SLAIN2: variants seen among roughly 807,000 people sequenced by gnomAD.
The protein encoded by SLAIN2 is SLAIN motif-containing protein 2.
In SLAIN2, 31 loss-of-function variants were observed where a neutral mutation model predicts 56.6. That is an observed-to-expected ratio of 0.55 (90% CI 0.41 to 0.74). The LOEUF is 0.74. Among genes scored for constraint, SLAIN2 ranks in the 30% least tolerant of loss-of-function variants. The pLI is 0.00. For synonymous variants in SLAIN2, 317 were observed against 284.9 expected (o/e 1.11, Z -1.13); for missense variants, 777 against 754.2 (o/e 1.03, Z -0.35).
chr4:48,350,985 A>G (rs1290441560), intron 1 of SLAIN2, among the ~76,000 whole-genome samples: 11 of 152,244 alleles, frequency 7.2e-5, no homozygotes, highest in Admixed American at 7.2e-4. Flanking sequence ...GTTAAAAATC[A>G]GGTTTATAAT....
At position 48,420,307 on chromosome 4, in the gene SLAIN2, C is replaced by G; in HGVS notation, c.1543C>G (p.Pro515Ala). 1.2e-6 allele frequency: 2 copies of G among 1,613,970 alleles called. No individual in the cohort carries two copies. Among genetic ancestry groups the G allele is most frequent in the Non-Finnish European group, 1.7e-6 (2 of 1,179,880 alleles). The change falls in exon 7 of 8, where the codon CCC becomes GCC. Residue 515 changes from proline (P) to alanine (A), a missense_variant. Physicochemically the swap from Pro to Ala is conservative, Grantham distance 27. Coordinates refer to ENST00000264313, the MANE Select transcript of SLAIN2 (RefSeq NM_020846.2). ...MVQSTVSANP[P>A]SNINSATLTR... is the part of the protein sequence containing the mutation. ...TCAGAGCACAGTCTCAGCAAATCCT[C>G]CCAGCAATATCAACAGCGCTACTCT... is the stretch of plus-strand genomic sequence containing the variant.
intron 6 of SLAIN2, among the ~76,000 whole-genome samples, chr4:48,392,370 T>C (rs1716256810): frequency 6.6e-6 from 1 of 152,184 alleles, no homozygotes; most frequent in Admixed American, 6.5e-5. Flanking sequence ...GTGGGGTCCA[T>C]TGGAGTCGCC....
At chr4:48,350,984 C>A (rs1374242198) in intron 1 of SLAIN2, among the ~76,000 whole-genome samples, 2 of 152,204 alleles carry the variant, frequency 1.3e-5, no homozygotes, top group Non-Finnish European at 2.9e-5. Context: ...AGTTAAAAAT[C>A]AGGTTTATAA....
At position 48,393,526 on chromosome 4, in the gene SLAIN2, G is replaced by C. The variant is rs557218240; in HGVS notation, c.1360+9742G>C. On this transcript the variant is annotated intron_variant, in intron 6 of 7. Coordinates refer to ENST00000264313, the MANE Select transcript of SLAIN2 (RefSeq NM_020846.2). The stretch of plus-strand genomic sequence containing the variant: ...AAGGCCTGTAAGTGCTGGGATTATA[G>C]GCATGAACCACCTCACTTGGCCAAG... Among the ~76,000 whole-genome samples, 192 of 152,102 alleles carry C rather than the reference G, an allele frequency of 1.3e-3. 1 individual carries two copies. Among genetic ancestry groups the C allele is most frequent in the Non-Finnish European group, 2.3e-3 (156 of 67,988 alleles).
chr4:48,345,669 T>C (rs1419216718), intron 1 of SLAIN2, among the ~76,000 whole-genome samples: 2 of 152,072 alleles, frequency 1.3e-5, no homozygotes, highest in African/African-American at 4.8e-5. Flanking sequence ...AATATAAAGC[T>C]TTTATTTTAT....
intron 6 of SLAIN2, among the ~76,000 whole-genome samples, chr4:48,388,010 T>C (rs1360164207): frequency 3.9e-5 from 6 of 152,158 alleles, no homozygotes; most frequent in Non-Finnish European, 7.4e-5. Flanking sequence ...AAAGCTTTGG[T>C]TCTTACTTGC....
chr4:48,350,143 G>A (rs1714973153), intron 1 of SLAIN2, among the ~76,000 whole-genome samples: 1 of 152,104 alleles, frequency 6.6e-6, no homozygotes, highest in Non-Finnish European at 1.5e-5. Context: ...CACAACTTTG[G>A]TTTTTAGGAA....
chr4:48,413,583 G>A (rs924940294), intron 6 of SLAIN2, among the ~76,000 whole-genome samples: 1 of 152,140 alleles, frequency 6.6e-6, no homozygotes, highest in Non-Finnish European at 1.5e-5. Context: ...TTGAATAATT[G>A]AAATGATATG....
At chr4:48,357,111 CAT>C (rs1408336983) in intron 1 of SLAIN2, among the ~76,000 whole-genome samples, 1 of 150,518 alleles carries the variant, frequency 6.6e-6, no homozygotes, top group Non-Finnish European at 1.5e-5. Flanking sequence ...ACCAGAAGAA[CAT>C]ATTATATATA....
chr4:48,341,782 C>A lies in SLAIN2; in HGVS notation c.43C>A (p.Arg15=). The change falls in exon 1 of 8, where the codon CGG becomes AGG. Residue 15 remains arginine (R), a synonymous_variant. Transcript: ENST00000264313. ...CAACGTGAACGCGGACCAGGAGGTG[C>A]GGAAGCTGCAGGAGCTGGTGAAGAA... is the stretch of plus-strand genomic sequence containing the variant. ...NSNVNADQEV[R]KLQELVKKLE... is the part of the protein sequence containing the mutation. 1.3e-6 allele frequency: 2 copies of A among 1,529,252 alleles called. No homozygotes were observed. The highest frequency in any genetic ancestry group is 1.8e-6 in the Non-Finnish European group (2 of 1,138,208). 94.7% of individuals were successfully genotyped at this position (1,529,252 alleles called of 1,614,324 possible).
intron 1 of SLAIN2, among the ~76,000 whole-genome samples, chr4:48,343,032 A>G (rs1252019855): frequency 6.6e-6 from 1 of 152,154 alleles, no homozygotes; most frequent in African/African-American, 2.4e-5. Context: ...GTGGGCAATT[A>G]TTTGTCTTAA....
intron 6 of SLAIN2, among the ~76,000 whole-genome samples, chr4:48,391,231 G>C (rs1295959812): frequency 6.6e-6 from 1 of 152,146 alleles, no homozygotes; most frequent in Non-Finnish European, 1.5e-5. Context: ...GCTGAAGTGA[G>C]CTTGAATAAT....
At chr4:48,342,305 G>A (rs1714733820) in intron 1 of SLAIN2, among the ~76,000 whole-genome samples, 177 bp downstream of exon 1, 1 of 152,254 alleles carries the variant, frequency 6.6e-6, no homozygotes, top group Admixed American at 6.5e-5. Flanking sequence ...GGGGGTTCGA[G>A]GCGTGCGCAA....
At chr4:48,412,364 G>A (rs34239305) in intron 6 of SLAIN2, among the ~76,000 whole-genome samples, 4 of 104,518 alleles carry the variant, frequency 3.8e-5, no homozygotes, top group Admixed American at 1.0e-4. Context: ...GTTTGTATAT[G>A]TACACACACA....
intron 6 of SLAIN2, among the ~76,000 whole-genome samples, chr4:48,405,530 C>G (rs1371721769): frequency 6.6e-6 from 1 of 152,024 alleles, no homozygotes; most frequent in Non-Finnish European, 1.5e-5. Flanking sequence ...CTTTGTTTAG[C>G]AAGTTCCCTT....
chr4:48,383,850 G>GTTTTATGCTGAAAAACCGTT (rs778536768), intron 6 of SLAIN2, 66 bp downstream of exon 6: 7 of 1,505,324 alleles, frequency 4.7e-6, no homozygotes, highest in Non-Finnish European at 5.4e-6. Context: ...TTAGATATTT[G>GTTTTATGCTGAAAAACCGTT]TTTTATGCTG....
At chr4:48,372,977 A>C (rs558749221) in intron 2 of SLAIN2, among the ~76,000 whole-genome samples, 1 of 151,826 alleles carries the variant, frequency 6.6e-6, no homozygotes, top group Admixed American at 6.6e-5. Context: ...ACTCCTTCAC[A>C]CTCAGGTTCG....
chr4:48,356,816 A>T (rs1397098195), intron 1 of SLAIN2, among the ~76,000 whole-genome samples: 1 of 152,210 alleles, frequency 6.6e-6, no homozygotes, highest in African/African-American at 2.4e-5. Context: ...AATGGGAATA[A>T]AGTGAGTCAT....
At chr4:48,348,129 A>T (rs866474335) in intron 1 of SLAIN2, among the ~76,000 whole-genome samples, 1 of 152,214 alleles carries the variant, frequency 6.6e-6, no homozygotes, top group African/African-American at 2.4e-5. Flanking sequence ...AATAAGGATT[A>T]TTACTTATAT....
Sources: gnomAD v4.1 joint callset for allele counts (sites outside exome capture counted in the v4.1 genomes callset) on GRCh38, gnomAD v4.1.1 for gene constraint, MANE v1.5 for transcripts, NCBI Gene and HGNC (gene_info 2026-07-23, HGNC 2026-07-21) for gene names.